The following GEN1 variants were observed in gnomAD, a reference collection of about 807,000 sequenced individuals.
The protein encoded by GEN1 is GEN1 structure-specific endonuclease, also known as flap endonuclease GEN homolog 1.
GEN1 carries 64 observed loss-of-function variants against 67.6 expected under a neutral mutation model. That is an observed-to-expected ratio of 0.95 (90% confidence interval 0.77 to 1.17). The LOEUF is 1.17. GEN1 is among the 50% of genes most tolerant of loss of function. The probability of loss-of-function intolerance (pLI) is 0.00; values close to 1 mark genes in which losing one functional copy is unlikely to be tolerated. For missense variants in GEN1, 1,058 were observed against 1,048.3 expected (o/e 1.01, Z -0.13); for synonymous variants, 371 against 359.4 (o/e 1.03, Z -0.37).
chr2:17,764,915 T>C lies in GEN1; in HGVS notation c.367T>C (p.Cys123Arg). Residue 123 changes from cysteine to arginine, a missense_variant, in exon 4 of 14, where the codon TGC becomes CGC. Cys to Arg is a radical substitution (Grantham distance 180). Transcript: ENST00000381254. ...TTTTCAGTGCCTCCATATGCTCGAA[T>C]GCTTAGGAATCCCCTGGGTTCAGGC... The part of the protein sequence containing the change: ...VLRECLHMLE[C>R]LGIPWVQAAG... 1 of 1,613,726 alleles carries C rather than the reference T, an allele frequency of 6.2e-7. No individual in the cohort carries two copies. Among genetic ancestry groups the C allele is most frequent in the Non-Finnish European group, 8.5e-7 (1 of 1,179,902 alleles).
rs761102159 is a variant in GEN1 at position 17,781,781 on chromosome 2, T to TA, written c.2570dup (p.Tyr857Ter). 1.2e-6 allele frequency: 2 copies of TA among 1,612,894 alleles called. No homozygotes were observed. Among genetic ancestry groups the TA allele is most frequent in the Non-Finnish European group, 1.7e-6 (2 of 1,179,630 alleles). The change falls in exon 14 of 14, where the codon TAT (tyrosine) becomes TAAT (stop). Residue 857 changes from tyrosine to a stop codon, truncating the protein, a stop_gained and frameshift_variant. Transcript: ENST00000381254. LOFTEE classifies it low-confidence loss of function (END_TRUNC). Reference sequence around the variant, plus strand: ...AGAAACTGAACAGTGTGTCAGATCTTATGAAACAGCTGAAAATGAAGAAAG... The same window carrying TA: ...AGAAACTGAACAGTGTGTCAGATCTTAATGAAACAGCTGAAAATGAAGAAAG... ...IKETEQCVRS[Y>*]ETAENEESCF...
chr2:17,778,965 A>G (rs1174529657), intron 12 of GEN1, among the ~76,000 whole-genome samples: 1 of 152,216 alleles, frequency 6.6e-6, no homozygotes, highest in African/African-American at 2.4e-5. Flanking sequence ...TCTGTTGCCC[A>G]GGCTGGAGAG....
rs137912569 is a variant in GEN1, at chr2:17,760,124, A to G, written c.161+20A>G. On this transcript the variant is annotated intron_variant, in intron 2 of 13. Transcript: ENST00000381254. ...CCTCAGGTATAGTAAAAGCTCTTACAGTATAAATGTATGATGTATAAACAG... is the reference window on the plus strand; with the variant it reads ...CCTCAGGTATAGTAAAAGCTCTTACGGTATAAATGTATGATGTATAAACAG... The G allele has an allele frequency of 4.4e-6, 7 of 1,608,168 alleles. No individual in the cohort carries two copies. Among genetic ancestry groups the G allele is most frequent in the Non-Finnish European group, 5.1e-6 (6 of 1,176,730 alleles).
chr2:17,776,542 A>G (rs2125158358), intron 11 of GEN1, among the ~76,000 whole-genome samples: 1 of 152,374 alleles, frequency 6.6e-6, no homozygotes, highest in African/African-American at 2.4e-5. Flanking sequence ...CAATTGATGA[A>G]TCTCAGTAAA....
intron 7 of GEN1, 98 bp from the exon 8 acceptor site, chr2:17,772,536 A>G: frequency 9.7e-7 from 1 of 1,034,842 alleles, no homozygotes; most frequent in African/African-American, 1.6e-5. Flanking sequence ...GCTAGGCAAT[A>G]TTAATTTTGG....
chr2:17,768,833 T>G, intron 6 of GEN1, 22 bp downstream of exon 6: 7 of 1,389,072 alleles, frequency 5.0e-6, no homozygotes, highest in Non-Finnish European at 7.2e-6. Flanking sequence ...TTACTTTCTC[T>G]TGTGACATTG....
intron 3 of GEN1, 148 bp from the exon 4 acceptor site, chr2:17,764,749 C>G: frequency 1.5e-6 from 1 of 680,158 alleles, no homozygotes; most frequent in East Asian, 3.0e-5. Context: ...AGTCATTGTT[C>G]AAATTTCCAA....
In GEN1 at chr2:17,771,801, G is replaced by C. The variant is rs201637229; in HGVS notation, c.802+514G>C. On this transcript the variant is annotated intron_variant, in intron 7 of 13. Transcript: ENST00000381254. ...TTAGTCTTGGTTTAAAAAAAAAAAA[G>C]ACACTACGGAACACGTACTGGATCA... Among the ~76,000 whole-genome samples, 1,354 of 138,500 alleles carry C rather than the reference G, an allele frequency of 9.8e-3. 17 individuals are homozygous for C. Among genetic ancestry groups the C allele is most frequent in the Non-Finnish European group, 0.016 (1,005 of 63,118 alleles). The allele number at this position is 138,500 out of a possible 152,430, so 90.9% of individuals were successfully genotyped here.
At chr2:17,766,797 A>C in intron 5 of GEN1, 108 bp downstream of exon 5, 2 of 589,712 alleles carry the variant, frequency 3.4e-6, no homozygotes, top group Middle Eastern at 2.7e-4. Flanking sequence ...AATCGAATTT[A>C]AAATATAATT....
At position 17,781,192 on chromosome 2, in the gene GEN1, A is replaced by G. The variant is rs759713860; in HGVS notation, c.1980A>G (p.Leu660=). The change falls in exon 14 of 14, where the codon CTA becomes CTG. Residue 660 remains leucine, a synonymous_variant. Coordinates refer to ENST00000381254, the MANE Select transcript of GEN1 (RefSeq NM_001130009.3). Reference sequence around the variant, plus strand: ...ATGGGATTAGTCCTGAAGAGCATCTACTTTCTGGCATTACTGATTTATGTC... The same window carrying G: ...ATGGGATTAGTCCTGAAGAGCATCTGCTTTCTGGCATTACTGATTTATGTC... The part of the protein sequence containing the change: ...DSDGISPEEH[L]LSGITDLCLQ... 1.2e-6 allele frequency: 2 copies of G among 1,613,802 alleles called. No homozygotes were observed. The highest frequency in any genetic ancestry group is 8.5e-7 in the Non-Finnish European group (1 of 1,179,748).
In GEN1 at chr2:17,782,864, GC is replaced by G; in HGVS notation, c.*926del. The stretch of plus-strand genomic sequence containing the variant: ...TTAATACCACCAAATATTAAGTCAT[GC>G]ATTAATTTAGGTCGCACTCAAAAAT... On this transcript the variant is annotated 3_prime_UTR_variant, in exon 14 of 14. Transcript: ENST00000381254. 1 of 152,154 alleles carries G rather than the reference GC, an allele frequency of 6.6e-6. No homozygotes were observed. The highest frequency in any genetic ancestry group is 1.9e-4 in the East Asian group (1 of 5,178). 9.4% of individuals were successfully genotyped at this position (152,154 alleles called of 1,614,324 possible).
chr2:17,767,657 A>G (rs912771386), intron 5 of GEN1, among the ~76,000 whole-genome samples: 3 of 152,190 alleles, frequency 2.0e-5, no homozygotes, highest in Non-Finnish European at 4.4e-5. Context: ...AAACAGCCCA[A>G]TGTTTAATTT....
In GEN1 at chr2:17,772,638, A is replaced by T. The variant is rs570008382; in HGVS notation, c.807A>T (p.Ser269=). 6.2e-7 allele frequency: 1 copy of T among 1,604,596 alleles called. No individual in the cohort carries two copies. The highest frequency in any genetic ancestry group is 8.5e-7 in the Non-Finnish European group (1 of 1,176,162). ...TTTTTTTGGGTCTCCATAAAGGTTC[A>T]CCTAAGGATCATGAACGTAATGGAT... The part of the protein sequence containing the change: ...AHCSVCSHPG[S]PKDHERNGCR... Residue 269 remains serine (S), a synonymous_variant, in exon 8 of 14, where the codon TCA becomes TCT. Coordinates refer to ENST00000381254, the MANE Select transcript of GEN1 (RefSeq NM_001130009.3).
intron 10 of GEN1, among the ~76,000 whole-genome samples, chr2:17,773,726 A>G (rs916803001): frequency 6.6e-6 from 1 of 152,212 alleles, no homozygotes; most frequent in Non-Finnish European, 1.5e-5. Flanking sequence ...AACAGAAATA[A>G]TATTACTTAT....
chr2:17,765,116 A>G (rs532128467), intron 4 of GEN1, 43 bp downstream of exon 4: 4 of 1,582,300 alleles, frequency 2.5e-6, no homozygotes, highest in South Asian at 1.1e-5. Flanking sequence ...TTTACGAACT[A>G]CCTTTTTTAA....
chr2:17,778,200 A>G (rs1201563077), intron 12 of GEN1, 137 bp downstream of exon 12: 18 of 381,670 alleles, frequency 4.7e-5, no homozygotes, highest in South Asian at 1.1e-4. Context: ...ACACACACAT[A>G]TATGTGTATA....
intron 7 of GEN1, among the ~76,000 whole-genome samples, chr2:17,772,171 A>C (rs1466576013): frequency 2.6e-5 from 4 of 152,090 alleles, no homozygotes; most frequent in Non-Finnish European, 5.9e-5. Flanking sequence ...AATAACTGTA[A>C]CTGAGAGCTA....
rs371479875 is a variant in GEN1 at position 17,780,854 on chromosome 2, C to A, written c.1642C>A (p.Leu548Ile). ...TGCACAAGAACAGTTCATGTCTTCT[C>A]TAAGACCTTTGGCTATACAGCAAAT... ...LNAQEQFMSS[L>I]RPLAIQQIKA... is the part of the protein sequence containing the mutation. Residue 548 changes from leucine to isoleucine, a missense_variant, in exon 14 of 14, where the codon CTA becomes ATA. Physicochemically the swap from Leu to Ile is conservative, Grantham distance 5. Coordinates refer to ENST00000381254, the MANE Select transcript of GEN1 (RefSeq NM_001130009.3). The A allele has an allele frequency of 2.8e-4, 449 of 1,613,826 alleles. No individual in the cohort carries two copies. The highest frequency in any genetic ancestry group is 3.6e-4 in the Non-Finnish European group (429 of 1,179,916).
intron 11 of GEN1, among the ~76,000 whole-genome samples, chr2:17,776,902 A>C (rs1672459372): frequency 6.6e-6 from 1 of 152,190 alleles, no homozygotes. Context: ...AAGCAGGCGG[A>C]TCAGTTGAGG....
Sources: allele counts gnomAD v4.1 joint callset (sites outside exome capture counted in the v4.1 genomes callset), GRCh38; gene constraint gnomAD v4.1.1; transcripts MANE v1.5; gene names NCBI Gene and HGNC (gene_info 2026-07-23, HGNC 2026-07-21).